The following SPIDR variants were observed in gnomAD, a reference collection of about 807,000 sequenced individuals.
SPIDR encodes the protein scaffold protein involved in DNA repair.
Under a neutral mutation model 104.6 loss-of-function variants are expected in SPIDR, and 93 were observed. The observed-to-expected ratio is 0.89, with a 90% confidence interval of 0.75 to 1.06. The LOEUF (loss-of-function observed/expected upper bound fraction) is 1.06. SPIDR is among the 50% of genes least tolerant of loss of function. SPIDR has a pLI of 0.00. For synonymous variants in SPIDR, 431 were observed against 416.9 expected, an observed-to-expected ratio of 1.03 and a Z score of -0.41; for missense variants, 1,154 against 1,111.2, an observed-to-expected ratio of 1.04 and a Z score of -0.55.
rs1554573336 is a variant in SPIDR at position 47,297,175 on chromosome 8, T to A, written c.525+3145T>A. 3.1e-3 allele frequency among the ~76,000 whole-genome samples: 477 copies of A among 152,318 alleles called. 2 individuals are homozygous for A. Among genetic ancestry groups the A allele is most frequent in the Non-Finnish European group, 4.4e-3 (300 of 68,030 alleles). On this transcript the variant is annotated intron_variant, in intron 5 of 19. Transcript: ENST00000297423. ...GACATCAGCAAACAGATGATTTCTCTTCTTCCTCTGATATGGATGCCTTTA... is the reference window on the plus strand; with the variant it reads ...GACATCAGCAAACAGATGATTTCTCATCTTCCTCTGATATGGATGCCTTTA...
chr8:47,514,494 A>G (rs1199456454), intron 8 of SPIDR, among the ~76,000 whole-genome samples: 1 of 152,154 alleles, frequency 6.6e-6, no homozygotes, highest in Non-Finnish European at 1.5e-5. Context: ...CTACAGAAAT[A>G]TGTATAGTGT....
intron 19 of SPIDR, among the ~76,000 whole-genome samples, 190 bp from the exon 20 acceptor site, chr8:47,735,095 GGTGTGTGTGTGTGTGGGTGTGT>G (rs35760573): frequency 0.039 from 5,748 of 146,100 alleles, 245 homozygotes; most frequent in African/African-American, 0.11. Context: ...TGGGTGTGTG[GGTGTGTGTGTGTGTGGGTGTGT>G]GTGTGTGTGT....
Position 47,700,449 on chromosome 8 carries a change from A to T in SPIDR, c.1732A>T (p.Ile578Leu). ...GATTGACACCCTGTGGCCCCCAGCG[A>T]TACCTCTGAAAACACCTGGCCGCGA... ...SLIDTLWPPA[I>L]PLKTPGRDQP... The change falls in exon 12 of 20, where the codon ATA becomes TTA. Residue 578 changes from isoleucine (I) to leucine (L), a missense_variant. Physicochemically the swap from Ile to Leu is conservative, Grantham distance 5 (BLOSUM62 2). Transcript: ENST00000297423. 2 of 1,614,194 alleles carry T rather than the reference A, an allele frequency of 1.2e-6. No homozygotes were observed. Among genetic ancestry groups the T allele is most frequent in the Non-Finnish European group, 1.7e-6 (2 of 1,180,042 alleles).
intron 5 of SPIDR, among the ~76,000 whole-genome samples, chr8:47,373,238 A>G (rs778607895): frequency 1.3e-5 from 2 of 152,232 alleles, no homozygotes; most frequent in South Asian, 2.1e-4. Flanking sequence ...TAAAAATTCC[A>G]TAGACTAATT....
At chr8:47,592,314 T>C in intron 8 of SPIDR, 1 of 1,115,468 alleles carries the variant, frequency 9.0e-7, no homozygotes, top group Admixed American at 1.7e-5. Context: ...TCTGCAGTGC[T>C]GGGGACCAGT....
intron 16 of SPIDR, among the ~76,000 whole-genome samples, chr8:47,726,330 G>A (rs761279280): frequency 6.6e-6 from 1 of 152,182 alleles, no homozygotes; most frequent in Non-Finnish European, 1.5e-5. Context: ...CCCAATGCTG[G>A]TTTTAGTGAG....
At chr8:47,602,578 G>T (rs957218888) in intron 10 of SPIDR, among the ~76,000 whole-genome samples, 3 of 152,210 alleles carry the variant, frequency 2.0e-5, no homozygotes, top group African/African-American at 7.2e-5. Context: ...CCCAGGTCAG[G>T]TGGTTGCTGA....
intron 8 of SPIDR, among the ~76,000 whole-genome samples, chr8:47,507,436 G>A (rs1423147231): frequency 3.9e-5 from 6 of 152,194 alleles, no homozygotes; most frequent in Admixed American, 3.3e-4. Flanking sequence ...GAAGGAAGCT[G>A]CAAAGCTGTA....
intron 10 of SPIDR, among the ~76,000 whole-genome samples, chr8:47,624,448 C>G (rs147582204): frequency 0.036 from 5,444 of 151,068 alleles, 271 homozygotes; most frequent in African/African-American, 0.12. Flanking sequence ...GAATCCAGGA[C>G]CTGGTTTTTT....
chr8:47,435,071 A>G (rs1352705199), intron 7 of SPIDR, among the ~76,000 whole-genome samples: 3 of 152,014 alleles, frequency 2.0e-5, no homozygotes, highest in South Asian at 4.1e-4. Flanking sequence ...ATAGCTGACT[A>G]TAACCTCAAA....
chr8:47,597,322 C>G (rs2061733668), intron 9 of SPIDR, among the ~76,000 whole-genome samples: 1 of 152,054 alleles, frequency 6.6e-6, no homozygotes, highest in Admixed American at 6.6e-5. Flanking sequence ...CCCATTAACT[C>G]GTCATTTAGC....
At chr8:47,267,189 C>CT (rs555122524) in intron 1 of SPIDR, among the ~76,000 whole-genome samples, 6 of 148,816 alleles carry the variant, frequency 4.0e-5, no homozygotes, top group Non-Finnish European at 3.0e-5. Context: ...TTGCTTTGAA[C>CT]TTTTTTTTTT....
At chr8:47,441,820 A>T (rs1461726621) in intron 8 of SPIDR, among the ~76,000 whole-genome samples, 1 of 152,152 alleles carries the variant, frequency 6.6e-6, no homozygotes, top group East Asian at 1.9e-4. Flanking sequence ...ATTTATCTTT[A>T]TGGGTAATAT....
chr8:47,366,719 T>C lies in SPIDR; in HGVS notation c.526-29657T>C, dbSNP rs141496960. Among the ~76,000 whole-genome samples the C allele has an allele frequency of 2.4e-3, 372 of 152,332 alleles. 2 individuals are homozygous for C. The highest frequency in any genetic ancestry group is 8.6e-3 in the African/African-American group (359 of 41,570). On this transcript the variant is annotated intron_variant, in intron 5 of 19. Transcript: ENST00000297423. ...GTCAGTTTTATCAGGTAAAGTTGAA[T>C]GAAATAATCAAGTTTAAGTGCGTCT...
chr8:47,630,630 G>A (rs1020789296), intron 10 of SPIDR, among the ~76,000 whole-genome samples: 2 of 152,174 alleles, frequency 1.3e-5, no homozygotes, highest in African/African-American at 4.8e-5. Flanking sequence ...TCTGAGAAGC[G>A]TAGTTGGCCT....
chr8:47,401,201 G>T (rs1554662511), intron 6 of SPIDR, among the ~76,000 whole-genome samples: 1 of 152,128 alleles, frequency 6.6e-6, no homozygotes, highest in African/African-American at 2.4e-5. Context: ...TTAAAGAAAA[G>T]AATTTTCAAC....
chr8:47,280,088 T>A, intron 2 of SPIDR, 71 bp downstream of exon 2: 1 of 1,456,042 alleles, frequency 6.9e-7, no homozygotes, highest in Non-Finnish European at 9.4e-7. Flanking sequence ...ACATTGTAAT[T>A]ACATTTCATT....
At chr8:47,583,710 G>A (rs921093143) in intron 8 of SPIDR, among the ~76,000 whole-genome samples, 1 of 152,222 alleles carries the variant, frequency 6.6e-6, no homozygotes, top group African/African-American at 2.4e-5. Context: ...TTTTTCTGCA[G>A]AAACTTGATG....
At chr8:47,512,842 G>A (rs781447324) in intron 8 of SPIDR, among the ~76,000 whole-genome samples, 2 of 152,188 alleles carry the variant, frequency 1.3e-5, no homozygotes, top group African/African-American at 2.4e-5. Flanking sequence ...GATGCGGCAC[G>A]AATGTTAAAT....
Sources: gnomAD v4.1 joint callset for allele counts (sites outside exome capture counted in the v4.1 genomes callset) on GRCh38, gnomAD v4.1.1 for gene constraint, MANE v1.5 for transcripts, NCBI Gene and HGNC (gene_info 2026-07-23, HGNC 2026-07-21) for gene names.